Variants in ABCA10 observed in about 807,000 individuals in gnomAD.
ABCA10 encodes ATP-binding cassette sub-family A member 10.
Under a neutral mutation model 187.5 loss-of-function variants are expected in ABCA10, and 169 were observed. The ratio of observed to expected loss-of-function variants is 0.90; its 90% CI spans 0.80 to 1.02. The LOEUF (loss-of-function observed/expected upper bound fraction) is 1.02. Ranked by LOEUF, ABCA10 falls within the 50% of genes least tolerant of loss-of-function variation. The pLI is 0.00. For synonymous variants in ABCA10, 574 were observed against 601.8 expected, an observed-to-expected ratio of 0.95 and a Z score of 0.68; for missense variants, 1,727 against 1,812.4, an observed-to-expected ratio of 0.95 and a Z score of 0.86.
intron 15 of ABCA10, 69 bp from the exon 16 acceptor site, chr17:69,192,722 G>A: frequency 7.6e-7 from 1 of 1,317,604 alleles, no homozygotes; most frequent in Non-Finnish European, 1.1e-6. Flanking sequence ...TCTCTACTTT[G>A]GATACTAAAA....
intron 20 of ABCA10, among the ~76,000 whole-genome samples, chr17:69,184,916 TACACACACACACACAC>T (rs142309537): frequency 7.1e-6 from 1 of 141,556 alleles, no homozygotes; most frequent in African/African-American, 2.6e-5. Flanking sequence ...ACTTTTTAAA[TACACACACACACACAC>T]ACACACACAC....
chr17:69,192,464 G>T, intron 16 of ABCA10, 99 bp downstream of exon 16: 1 of 1,011,556 alleles, frequency 9.9e-7, no homozygotes, highest in Non-Finnish European at 1.4e-6. Flanking sequence ...GTTTCTACCA[G>T]AAGTTAAGTT....
rs559164015 is a variant in ABCA10 at position 69,170,299 on chromosome 17, A to G, written c.3162+3982T>C. On this transcript the variant is annotated intron_variant, in intron 25 of 38. Transcript: ENST00000690296. The stretch of plus-strand genomic sequence containing the variant: ...TGAGATTCCGTCTCAAAAAAAAAAA[A>G]AAAATTACGTTACATTTTGTAAATC... Among the ~76,000 whole-genome samples the G allele has an allele frequency of 3.9e-5, 6 of 152,074 alleles. No homozygotes were observed. The East Asian group carries it at 9.7e-4, about 25-fold the overall frequency.
At chr17:69,173,010 G>C (rs1436132946) in intron 25 of ABCA10, among the ~76,000 whole-genome samples, 2 of 152,042 alleles carry the variant, frequency 1.3e-5, no homozygotes, top group East Asian at 3.8e-4. Context: ...AGAATAAATA[G>C]GGCTGGTGTA....
At chr17:69,199,224 T>C (rs980459609) in intron 10 of ABCA10, among the ~76,000 whole-genome samples, 5 of 151,398 alleles carry the variant, frequency 3.3e-5, no homozygotes, top group Non-Finnish European at 5.9e-5. Context: ...GGTTGGATGA[T>C]CCTTCTTTAT....
intron 9 of ABCA10, among the ~76,000 whole-genome samples, chr17:69,210,405 G>T (rs2074633313): frequency 6.6e-6 from 1 of 150,764 alleles, no homozygotes; most frequent in Admixed American, 6.6e-5. Context: ...TAGCCAGGAT[G>T]GTCTCGATCT....
At chr17:69,196,354 ACTC>A (rs748514423) in intron 11 of ABCA10, 7 of 156,198 alleles carry the variant, frequency 4.5e-5, no homozygotes, top group Non-Finnish European at 9.1e-5. Flanking sequence ...GGGCAGAGAC[ACTC>A]CTCAGTTCCC....
chr17:69,175,953 G>A (rs561552315), intron 22 of ABCA10, among the ~76,000 whole-genome samples: 1 of 152,224 alleles, frequency 6.6e-6, no homozygotes, highest in South Asian at 2.1e-4. Context: ...ATTTCATCAT[G>A]CTACTCAGAA....
intron 10 of ABCA10, among the ~76,000 whole-genome samples, 167 bp downstream of exon 10, chr17:69,201,333 G>C (rs182748988): frequency 6.6e-6 from 1 of 152,128 alleles, no homozygotes; most frequent in Non-Finnish European, 1.5e-5. Flanking sequence ...ACTGTTGATA[G>C]TATCAACAGT....
Position 69,182,150 on chromosome 17 carries a change from T to TA in ABCA10, c.2769+2dup. Reference sequence around the variant, plus strand: ...TCTTATATAAGTCGAATACTCTACTTACACGAGAAAATGAAGTGCTCTCCA... The same window carrying TA: ...TCTTATATAAGTCGAATACTCTACTTAACACGAGAAAATGAAGTGCTCTCCA... On this transcript the variant is annotated splice_region_variant and intron_variant, in intron 22 of 38. Transcript: ENST00000690296. The TA allele has an allele frequency of 6.3e-7, 1 of 1,576,104 alleles. No individual in the cohort carries two copies. Among genetic ancestry groups the TA allele is most frequent in the Non-Finnish European group, 8.6e-7 (1 of 1,161,842 alleles).
intron 22 of ABCA10, among the ~76,000 whole-genome samples, chr17:69,178,141 CCAA>C (rs2144784787): frequency 6.6e-6 from 1 of 151,054 alleles, no homozygotes; most frequent in South Asian, 2.1e-4. Context: ...CAGGCAAGAA[CCAA>C]CAAGTAGCTA....
At position 69,201,534 on chromosome 17, in the gene ABCA10, C is replaced by T. The variant is rs766856480; in HGVS notation, c.1141G>A (p.Val381Met). 2.5e-6 allele frequency: 4 copies of T among 1,605,188 alleles called. No homozygotes were observed. The highest frequency in any genetic ancestry group is 3.4e-6 in the Non-Finnish European group (4 of 1,177,226). Reference protein sequence around the residue: ...EHSSDDSFEPVSPEFHGKEAI... With the variant: ...EHSSDDSFEPMSPEFHGKEAI... ...TCTTTTCCATGGAATTCTGGAGACA[C>T]CGGTTCAAAAGAATCATCAGAGGAA... The change falls in exon 10 of 39, where the codon GTG becomes ATG. Residue 381 changes from valine (V) to methionine (M), a missense_variant. By Grantham distance (21) the Val-to-Met change is conservative (BLOSUM62 1). Coordinates refer to ENST00000690296, the MANE Select transcript of ABCA10 (RefSeq NM_001377321.1).
chr17:69,206,604 T>C (rs1473150609), intron 9 of ABCA10, among the ~76,000 whole-genome samples: 1 of 152,228 alleles, frequency 6.6e-6, no homozygotes, highest in East Asian at 1.9e-4. Context: ...GATTGTTTCC[T>C]GTCTGTGCAA....
At chr17:69,231,463 T>C (rs752792740), upstream of ABCA10, among the ~76,000 whole-genome samples, 1 of 152,214 alleles carries the variant, frequency 6.6e-6, no homozygotes, top group Non-Finnish European at 1.5e-5. Context: ...TAGTATATCA[T>C]GTTCCCCCTT....
At chr17:69,191,380 T>C (rs964591001) in intron 16 of ABCA10, 65 bp from the exon 17 acceptor site, 3 of 1,395,030 alleles carry the variant, frequency 2.2e-6, no homozygotes, top group Non-Finnish European at 2.8e-6. Context: ...CATGAAAAGA[T>C]AGTTTTCTAT....
At chr17:69,213,678 G>C (rs889095088) in intron 9 of ABCA10, among the ~76,000 whole-genome samples, 3 of 152,140 alleles carry the variant, frequency 2.0e-5, no homozygotes, top group East Asian at 1.9e-4. Context: ...CAGGGCTCTC[G>C]GGCCTGGCTG....
upstream of ABCA10, chr17:69,233,613 T>G (rs1394569384): frequency 2.6e-5 from 4 of 152,218 alleles, no homozygotes; most frequent in African/African-American, 9.6e-5. Flanking sequence ...TAAATGTTCT[T>G]GATGCTTGTG....
chr17:69,208,840 C>A (rs376471383), intron 9 of ABCA10, among the ~76,000 whole-genome samples: 1 of 152,062 alleles, frequency 6.6e-6, no homozygotes, highest in African/African-American at 2.4e-5. Context: ...AGTTTGAGAC[C>A]AGCCTGGGCA....
At chr17:69,182,417 G>GT in intron 21 of ABCA10, 127 bp from the exon 22 acceptor site, 1 of 998,206 alleles carries the variant, frequency 1.0e-6, no homozygotes, top group Non-Finnish European at 1.3e-6. Context: ...TGACACTTCT[G>GT]CCTTCTTTGA....
Sources: gnomAD v4.1 joint callset for allele counts (sites outside exome capture counted in the v4.1 genomes callset) on GRCh38, gnomAD v4.1.1 for gene constraint, MANE v1.5 for transcripts, NCBI Gene and HGNC (gene_info 2026-07-23, HGNC 2026-07-21) for gene names.